PTPRJ: variants seen among roughly 807,000 people sequenced by gnomAD.
PTPRJ encodes receptor-type tyrosine-protein phosphatase eta.
In PTPRJ, 129 loss-of-function variants were observed where a neutral mutation model predicts 141.3. The observed-to-expected ratio is 0.91, with a 90% CI of 0.79 to 1.06. PTPRJ has a LOEUF of 1.06. Among genes scored for constraint, PTPRJ ranks in the 50% least tolerant of loss-of-function variants. The pLI, the probability that PTPRJ is intolerant of heterozygous loss-of-function variation, is 0.00. For synonymous variants in PTPRJ, 610 were observed against 640.5 expected, an observed-to-expected ratio of 0.95 and a Z score of 0.72; for missense variants, 1,601 against 1,679.7, an observed-to-expected ratio of 0.95 and a Z score of 0.82.
intron 1 of PTPRJ, among the ~76,000 whole-genome samples, chr11:48,035,822 G>A (rs80170705): frequency 6.6e-6 from 1 of 152,068 alleles, no homozygotes; most frequent in South Asian, 2.1e-4. Context: ...TTAAGTTGTA[G>A]GGAGAGTAAG....
chr11:48,136,321 A>G lies in PTPRJ; in HGVS notation c.1873+25A>G, dbSNP rs191987501. 1,732 of 1,606,780 alleles carry G rather than the reference A, an allele frequency of 1.1e-3. 9 individuals are homozygous for G. Among genetic ancestry groups the G allele is most frequent in the Non-Finnish European group, 9.4e-4 (1,105 of 1,175,902 alleles). On this transcript the variant is annotated intron_variant, in intron 9 of 24. Coordinates refer to ENST00000418331, the MANE Select transcript of PTPRJ (RefSeq NM_002843.4). ...CGTAAGTCTCTTAGGATGCCCTTCTAAGGAACAGCCTCTCTAACTGTCTCT... is the reference window on the plus strand; with the variant it reads ...CGTAAGTCTCTTAGGATGCCCTTCTGAGGAACAGCCTCTCTAACTGTCTCT...
intron 1 of PTPRJ, among the ~76,000 whole-genome samples, chr11:48,049,391 C>T (rs1854493506): frequency 6.6e-6 from 1 of 151,838 alleles, no homozygotes; most frequent in African/African-American, 2.4e-5. Context: ...AGAATTGGTA[C>T]TGTTGGCTGG....
At chr11:48,056,408 T>A (rs780492897) in intron 1 of PTPRJ, among the ~76,000 whole-genome samples, 1 of 152,162 alleles carries the variant, frequency 6.6e-6, no homozygotes, top group Non-Finnish European at 1.5e-5. Context: ...CAGATTGTTG[T>A]AAGGTTTCAG....
At chr11:48,097,705 G>GT (rs1419778885) in intron 1 of PTPRJ, among the ~76,000 whole-genome samples, 1 of 151,970 alleles carries the variant, frequency 6.6e-6, no homozygotes, top group African/African-American at 2.4e-5. Context: ...GCCCGGCTAA[G>GT]TTTTTGTATT....
intron 1 of PTPRJ, among the ~76,000 whole-genome samples, chr11:48,052,341 A>G (rs1854592948): frequency 6.6e-6 from 1 of 152,186 alleles, no homozygotes; most frequent in Non-Finnish European, 1.5e-5. Context: ...TGCAGCAGGC[A>G]TTGCCTCTCC....
intron 1 of PTPRJ, among the ~76,000 whole-genome samples, chr11:48,064,725 T>A (rs1352569464): frequency 1.3e-5 from 2 of 152,036 alleles, no homozygotes; most frequent in Non-Finnish European, 1.5e-5. Context: ...TGCCTCAGCC[T>A]CCTGAGTAGC....
At chr11:48,097,542 T>A (rs868692327) in intron 1 of PTPRJ, among the ~76,000 whole-genome samples, 54 of 140,708 alleles carry the variant, frequency 3.8e-4, no homozygotes, top group Non-Finnish European at 3.4e-4. Context: ...CTGAAGAAAA[T>A]TTTTTTTTTT....
chr11:47,991,605 T>A (rs989711788), intron 1 of PTPRJ, among the ~76,000 whole-genome samples: 1 of 152,278 alleles, frequency 6.6e-6, no homozygotes, highest in Admixed American at 6.5e-5. Context: ...CCTGTCTCAA[T>A]GAGAGCACAC....
At chr11:48,097,902 A>G (rs1856054972) in intron 1 of PTPRJ, among the ~76,000 whole-genome samples, 5 of 152,044 alleles carry the variant, frequency 3.3e-5, no homozygotes, top group Admixed American at 3.3e-4. Flanking sequence ...ACCCAAGACT[A>G]GGGGGCTTTC....
intron 1 of PTPRJ, among the ~76,000 whole-genome samples, chr11:48,084,283 C>A (rs1296804192): frequency 1.3e-5 from 2 of 152,132 alleles, no homozygotes; most frequent in East Asian, 1.9e-4. Context: ...TCAAGCGATT[C>A]TCCTGCTTCA....
chr11:48,059,199 T>G (rs1854849869), intron 1 of PTPRJ, among the ~76,000 whole-genome samples: 1 of 144,648 alleles, frequency 6.9e-6, no homozygotes, highest in African/African-American at 2.6e-5. Flanking sequence ...CTCAGCTCAC[T>G]GCAACCTCTG....
At position 48,167,208 on chromosome 11, in the gene PTPRJ, A is replaced by G. The variant is rs1266225349; in HGVS notation, c.3860A>G (p.Gln1287Arg). 6.2e-7 allele frequency: 1 copy of G among 1,610,932 alleles called. No individual in the cohort carries two copies. The highest frequency in any genetic ancestry group is 8.5e-7 in the Non-Finnish European group (1 of 1,177,664). Residue 1287 changes from glutamine (Q) to arginine (R), a missense_variant, in exon 25 of 25, where the codon CAG becomes CGG. Physicochemically the swap from Gln to Arg is conservative, Grantham distance 43. Coordinates refer to ENST00000418331, the MANE Select transcript of PTPRJ (RefSeq NM_002843.4). ...TCTCTTTCGTTTTTCTATCAGGACC[A>G]GTATGTTTTCCTCAATCAGTGTGTT... The part of the protein sequence containing the change: ...HRPLMVQTED[Q>R]YVFLNQCVLD...
At chr11:48,021,416 T>TAAATAAATA (rs1204348337) in intron 1 of PTPRJ, among the ~76,000 whole-genome samples, 28 of 104,372 alleles carry the variant, frequency 2.7e-4, no homozygotes, top group African/African-American at 8.4e-4. Flanking sequence ...AATAAATAAA[T>TAAATAAATA]AAATAAAATA....
In PTPRJ at chr11:48,059,108, GC is replaced by G. The variant is rs368358052; in HGVS notation, c.97-50948del. On this transcript the variant is annotated intron_variant, in intron 1 of 24. Transcript: ENST00000418331. ...TCCTGATCGCTCCCTACTGTGCTGTGCCTTTTTTTTTTTTTTTTTTTTTTTT... is the reference window on the plus strand; with the variant it reads ...TCCTGATCGCTCCCTACTGTGCTGTGCTTTTTTTTTTTTTTTTTTTTTTTT... Among the ~76,000 whole-genome samples, 1,280 of 128,846 alleles carry G rather than the reference GC, an allele frequency of 9.9e-3. 138 individuals carry two copies. The highest frequency in any genetic ancestry group is 0.038 in the African/African-American group (1,196 of 31,124). 84.5% of individuals were successfully genotyped at this position (128,846 alleles called of 152,430 possible).
intron 4 of PTPRJ, 72 bp from the exon 5 acceptor site, chr11:48,123,541 A>T: frequency 6.7e-7 from 1 of 1,496,084 alleles, no homozygotes. Context: ...CCAGCACTGA[A>T]CCCCAGTCAT....
chr11:48,082,410 ATTTTTTT>A (rs386373791), intron 1 of PTPRJ, among the ~76,000 whole-genome samples: 9,160 of 125,270 alleles, frequency 0.073, 323 homozygotes, highest in Middle Eastern at 0.14. Context: ...TACCTGGCAA[ATTTTTTT>A]TTTTTTTTTT....
rs1014608626 is a variant in PTPRJ at position 48,109,839 on chromosome 11, C to G, written c.97-219C>G. On this transcript the variant is annotated intron_variant, in intron 1 of 24. Transcript: ENST00000418331. ...CACTGGGAGTCAGCAGCCGCCAGCC[C>G]CCACATAACCCAGTTAATCCTTTGT... is the stretch of plus-strand genomic sequence containing the variant. 3.7e-4 allele frequency among the ~76,000 whole-genome samples: 56 copies of G among 152,230 alleles called. 1 individual carries two copies. Among genetic ancestry groups the G allele is most frequent in the Admixed American group, 1.0e-3 (16 of 15,284 alleles).
At chr11:48,151,798 G>A (rs1217589147) in intron 18 of PTPRJ, among the ~76,000 whole-genome samples, 1 of 152,162 alleles carries the variant, frequency 6.6e-6, no homozygotes, top group Non-Finnish European at 1.5e-5. Flanking sequence ...TGGCTGCATA[G>A]TATTCCATGG....
At position 48,155,788 on chromosome 11, in the gene PTPRJ, T is replaced by C. The variant is rs1857584381; in HGVS notation, c.3230-13T>C. ...TGCTTATAATGGGGACCTTTTTTCTTTTAATGTCACAGATGATATTTCCCG... is the reference window on the plus strand; with the variant it reads ...TGCTTATAATGGGGACCTTTTTTCTCTTAATGTCACAGATGATATTTCCCG... On this transcript the variant is annotated splice_polypyrimidine_tract_variant and intron_variant, in intron 19 of 24. Transcript: ENST00000418331. The C allele has an allele frequency of 1.3e-6, 2 of 1,572,550 alleles. No homozygotes were observed. Among genetic ancestry groups the C allele is most frequent in the South Asian group, 1.1e-5 (1 of 87,168 alleles).
Sources: allele counts gnomAD v4.1 joint callset (sites outside exome capture counted in the v4.1 genomes callset), GRCh38; gene constraint gnomAD v4.1.1; transcripts MANE v1.5; gene names NCBI Gene and HGNC (gene_info 2026-07-23, HGNC 2026-07-21).